Variants in ANAPC2 observed in about 807,000 individuals in gnomAD.
ANAPC2 encodes the protein anaphase promoting complex subunit 2.
In ANAPC2, 29 loss-of-function variants were observed where a neutral mutation model predicts 84.3. The observed-to-expected ratio is 0.34, with a 90% CI of 0.26 to 0.47. ANAPC2 has a LOEUF of 0.47. ANAPC2 is among the 20% of genes least tolerant of loss of function. The probability of loss-of-function intolerance (pLI) is 1.00; values close to 1 mark genes in which losing one functional copy is unlikely to be tolerated. For synonymous variants in ANAPC2, 571 were observed against 479.4 expected (o/e 1.19, Z -2.50); for missense variants, 857 against 1,131.7 (o/e 0.76, Z 3.48).
chr9:137,188,171 G>A (rs2131343887), intron 1 of ANAPC2, 68 bp from the exon 2 acceptor site: 3 of 1,545,164 alleles, frequency 1.9e-6, no homozygotes, highest in Non-Finnish European at 1.7e-6. Flanking sequence ...GGGAAGGGAA[G>A]AAGCTGAGGG....
At chr9:137,184,058 A>C (rs1834400414) in intron 4 of ANAPC2, among the ~76,000 whole-genome samples, 1 of 152,212 alleles carries the variant, frequency 6.6e-6, no homozygotes, top group Non-Finnish European at 1.5e-5. Flanking sequence ...GACACCCAGA[A>C]GCACTGTCCA....
chr9:137,180,548 G>A (rs1378007468), intron 8 of ANAPC2, 21 bp from the exon 9 acceptor site: 1 of 1,612,632 alleles, frequency 6.2e-7, no homozygotes, highest in African/African-American at 1.3e-5. Context: ...GAGTGTCTGG[G>A]CAGGGGGTCG....
At chr9:137,188,370 T>G in intron 1 of ANAPC2, 46 bp downstream of exon 1, 1 of 1,573,974 alleles carries the variant, frequency 6.4e-7, no homozygotes, top group East Asian at 2.3e-5. Flanking sequence ...GCGCGTACGG[T>G]CCCGGAAACT....
intron 5 of ANAPC2, 76 bp downstream of exon 5, chr9:137,183,596 C>G: frequency 6.5e-7 from 1 of 1,544,272 alleles, no homozygotes; most frequent in African/African-American, 1.4e-5. Flanking sequence ...CAGACTAGGC[C>G]CCAGGCTCCC....
intron 10 of ANAPC2, among the ~76,000 whole-genome samples, chr9:137,178,194 C>G (rs1260546848): frequency 6.8e-6 from 1 of 148,010 alleles, no homozygotes; most frequent in Non-Finnish European, 1.5e-5. Context: ...GTTCTGGCTC[C>G]AAGGCCATGA....
rs1033696527 is a variant in ANAPC2 at position 137,186,270 on chromosome 9, C to T, written c.827G>A (p.Arg276His). The change falls in exon 3 of 13, where the codon CGT (arginine) becomes CAT (histidine). Residue 276 changes from arginine (R) to histidine (H), a missense_variant. By Grantham distance (29) the Arg-to-His change is conservative. Transcript: ENST00000323927. ...GGAGCGCTCGTACTCGCCCCGGCAA[C>T]GGTCCTCCATCCTCTCCCGGGTCAC... ...HQVTRERMED[R>H]CRGEYERSFL... The T allele has an allele frequency of 6.2e-6, 10 of 1,612,530 alleles. No homozygotes were observed. The highest frequency in any genetic ancestry group is 2.2e-5 in the East Asian group (1 of 44,888).
chr9:137,184,740 A>G, intron 4 of ANAPC2, among the ~76,000 whole-genome samples, 173 bp downstream of exon 4: 1 of 148,970 alleles, frequency 6.7e-6, no homozygotes. Flanking sequence ...CAGGGAGCCC[A>G]GACGCAGACA....
At position 137,175,011 on chromosome 9, in the gene ANAPC2, C is replaced by T. The variant is rs759338384; in HGVS notation, c.2400G>A (p.Gln800=). The change falls in exon 13 of 13, where the codon CAG becomes CAA. Residue 800 remains glutamine (Q), a synonymous_variant. Coordinates refer to ENST00000323927, the MANE Select transcript of ANAPC2 (RefSeq NM_013366.4). ...CGAGCTGCTGGTCCCGCACCTTCTT[C>T]TGCAGGTAGCCCTGCAGCTCCTGCA... is the stretch of plus-strand genomic sequence containing the variant. ...IDLQELQGYL[Q]KKVRDQQLVY... 6.2e-6 allele frequency: 10 copies of T among 1,604,466 alleles called. No individual in the cohort carries two copies. In the Admixed American group the frequency reaches 1.4e-4, roughly 22 times the overall value.
Position 137,175,469 on chromosome 9 carries a change from C to A in ANAPC2, c.2024G>T (p.Ser675Ile). 1 of 1,565,594 alleles carries A rather than the reference C, an allele frequency of 6.4e-7. No homozygotes were observed. The highest frequency in any genetic ancestry group is 8.6e-7 in the Non-Finnish European group (1 of 1,156,508). ...CTTGCTCAGTTCCTCCAGGGTCCAGCTGGCTGCGTGCAGAGTCACCGGGAC... is the reference window on the plus strand; with the variant it reads ...CTTGCTCAGTTCCTCCAGGGTCCAGATGGCTGCGTGCAGAGTCACCGGGAC... ...VILLYFQDQA[S>I]WTLEELSKAV... Residue 675 changes from serine to isoleucine, a missense_variant, in exon 12 of 13, where the codon AGC (serine) becomes ATC (isoleucine). Physicochemically the swap from Ser to Ile is moderately radical, Grantham distance 142. This residue lies in a region of ANAPC2 where 425 missense variants were observed against 595.5 expected (regional missense o/e 0.71). Transcript: ENST00000323927.
Position 137,176,045 on chromosome 9 carries a change from GGT to G in ANAPC2, c.1891-210_1891-209del. 1.7e-5 allele frequency: 10 copies of G among 581,270 alleles called. No homozygotes were observed. The South Asian group carries it at 2.2e-4, about 13-fold the overall frequency. The allele number at this position is 581,270 out of a possible 1,614,324, so 36.0% of individuals were successfully genotyped here. A position where few individuals can be genotyped will look rare whatever the true frequency, so the allele number is the denominator to read the frequency against. ...AAGGGCAATGGGGCCAGCATCATAA[GGT>G]GTGTCCCGAAAAGGCTACAGGGGCC... On this transcript the variant is annotated intron_variant, in intron 10 of 12. Transcript: ENST00000323927.
intron 10 of ANAPC2, among the ~76,000 whole-genome samples, chr9:137,178,653 C>G (rs1279697768): frequency 6.6e-6 from 1 of 152,170 alleles, no homozygotes; most frequent in East Asian, 1.9e-4. Context: ...GTATCACAGG[C>G]CAGAGCTCGA....
At chr9:137,183,339 G>T in intron 5 of ANAPC2, 97 bp from the exon 6 acceptor site, 1 of 1,044,278 alleles carries the variant, frequency 9.6e-7, no homozygotes, top group Non-Finnish European at 1.5e-6. Flanking sequence ...CCGGTAGGTG[G>T]TCTACAGGTC....
intron 6 of ANAPC2, 112 bp from the exon 7 acceptor site, chr9:137,181,974 C>T: frequency 3.4e-6 from 4 of 1,192,940 alleles, no homozygotes; most frequent in Admixed American, 2.5e-5. Flanking sequence ...CCTGCCTCTA[C>T]ACTCAGTGGT....
intron 6 of ANAPC2, 96 bp from the exon 7 acceptor site, chr9:137,181,958 A>G (rs1588761273): frequency 1.7e-5 from 23 of 1,350,668 alleles, no homozygotes; most frequent in Non-Finnish European, 2.2e-5. Flanking sequence ...GGCCAGCACC[A>G]CCGACCCTGC....
chr9:137,186,251 C>T lies in ANAPC2; in HGVS notation c.846G>A (p.Glu282=). 1 of 1,612,642 alleles carries T rather than the reference C, an allele frequency of 6.2e-7. No homozygotes were observed. The highest frequency in any genetic ancestry group is 1.1e-5 in the South Asian group (1 of 91,058). The change falls in exon 3 of 13, where the codon GAG becomes GAA. Residue 282 remains glutamate (E), a synonymous_variant. Coordinates refer to ENST00000323927, the MANE Select transcript of ANAPC2 (RefSeq NM_013366.4). ...RMEDRCRGEY[E]RSFLREFHKW... ...TGTGGAACTCACGCAGGAAGGAGCG[C>T]TCGTACTCGCCCCGGCAACGGTCCT...
At chr9:137,185,187 G>A (rs890618837) in intron 3 of ANAPC2, 100 bp from the exon 4 acceptor site, 28 of 1,296,086 alleles carry the variant, frequency 2.2e-5, no homozygotes, top group East Asian at 5.6e-5. Flanking sequence ...CCTGTCGGCC[G>A]GGACCGAGGG....
chr9:137,180,940 G>T lies in ANAPC2; in HGVS notation c.1469-11C>A, dbSNP rs1256222166. ...TGGAGCTCGACTTCCCTGGCATGGTGGGGGCAGGGGTGTCACCTGACAGGC... is the reference window on the plus strand; with the variant it reads ...TGGAGCTCGACTTCCCTGGCATGGTTGGGGCAGGGGTGTCACCTGACAGGC... On this transcript the variant is annotated splice_polypyrimidine_tract_variant and intron_variant, in intron 7 of 12. Transcript: ENST00000323927. The T allele has an allele frequency of 5.0e-6, 8 of 1,611,470 alleles. No individual in the cohort carries two copies. Among genetic ancestry groups the T allele is most frequent in the Non-Finnish European group, 6.8e-6 (8 of 1,179,036 alleles).
intron 6 of ANAPC2, among the ~76,000 whole-genome samples, 155 bp downstream of exon 6, chr9:137,182,970 A>G (rs1294499039): frequency 1.3e-5 from 2 of 152,214 alleles, no homozygotes; most frequent in African/African-American, 4.8e-5. Context: ...GAGGAAAGGA[A>G]AGAGCCTCGG....
chr9:137,180,296 T>C lies in ANAPC2; in HGVS notation c.1775A>G (p.Tyr592Cys). 1 of 1,613,656 alleles carries C rather than the reference T, an allele frequency of 6.2e-7. No individual in the cohort carries two copies. The highest frequency in any genetic ancestry group is 8.5e-7 in the Non-Finnish European group (1 of 1,180,042). ...PAEEQPPFGV[Y>C]AVILSSEFWP... ...GAACTCACTGGACAGGATGACAGCGTAGACCCCGAACGGTGGCTGCTCCTC... is the reference window on the plus strand; with the variant it reads ...GAACTCACTGGACAGGATGACAGCGCAGACCCCGAACGGTGGCTGCTCCTC... The change falls in exon 10 of 13, where the codon TAC (tyrosine) becomes TGC (cysteine). Residue 592 changes from tyrosine (Y) to cysteine (C), a missense_variant. Coordinates refer to ENST00000323927, the MANE Select transcript of ANAPC2 (RefSeq NM_013366.4).
Sources: gnomAD v4.1 joint callset for allele counts (sites outside exome capture counted in the v4.1 genomes callset) on GRCh38, gnomAD v4.1.1 for gene constraint, gnomAD v4.1.1 regional missense constraint, MANE v1.5 for transcripts, NCBI Gene and HGNC (gene_info 2026-07-23, HGNC 2026-07-21) for gene names.